The following RBM5 variants were observed in gnomAD, a reference collection of about 807,000 sequenced individuals.
RBM5 encodes RNA binding motif protein 5, also known as RNA-binding protein 5.
In RBM5, 15 loss-of-function variants were observed where a neutral mutation model predicts 124.6. The ratio of observed to expected loss-of-function variants is 0.12; its 90% CI spans 0.08 to 0.19. The LOEUF is 0.19. RBM5 is among the 10% of genes least tolerant of loss of function. RBM5 has a pLI of 1.00. For missense variants in RBM5, 580 were observed against 1,026.5 expected (o/e 0.57, Z 5.94); for synonymous variants, 337 against 361.2 (o/e 0.93, Z 0.76).
chr3:50,107,182 C>T (rs374441088), intron 11 of RBM5: 3 of 631,952 alleles, frequency 4.7e-6, no homozygotes, highest in African/African-American at 1.8e-5. Context: ...TCCAGAACAG[C>T]GTGCTAATAA....
chr3:50,097,344 C>T (rs1301571359), intron 4 of RBM5, among the ~76,000 whole-genome samples: 2 of 150,218 alleles, frequency 1.3e-5, no homozygotes, highest in East Asian at 1.9e-4. Flanking sequence ...TGCAGTGAGC[C>T]GAGATCGTGC....
chr3:50,092,262 T>C, intron 3 of RBM5, 54 bp downstream of exon 3: 5 of 1,566,506 alleles, frequency 3.2e-6, no homozygotes, highest in Non-Finnish European at 4.3e-6. Flanking sequence ...CTTATAGTAA[T>C]AGAAATAACA....
chr3:50,112,414 TAAAAAAAAAAAA>T (rs58011975), intron 17 of RBM5, among the ~76,000 whole-genome samples: 1,978 of 88,266 alleles, frequency 0.022, 42 homozygotes, highest in Non-Finnish European at 0.033. Flanking sequence ...AGACTCTGTC[TAAAAAAAAAAAA>T]AAAAAAAAAA....
At position 50,113,820 on chromosome 3, in the gene RBM5, T is replaced by C. The variant is rs543128362; in HGVS notation, c.1618-130T>C. ...TATGTGATAACATCTAATGGAAATA[T>C]TTGTAGGTGGAAGTAAGAGTAAAAG... On this transcript the variant is annotated intron_variant, in intron 18 of 24. Coordinates refer to ENST00000347869, the MANE Select transcript of RBM5 (RefSeq NM_005778.4). 259 of 1,103,744 alleles carry C rather than the reference T, an allele frequency of 2.3e-4. 2 individuals carry two copies. Among genetic ancestry groups the C allele is most frequent in the South Asian group, 6.3e-5 (4 of 63,022 alleles). The allele number at this position is 1,103,744 out of a possible 1,614,324, so 68.4% of individuals were successfully genotyped here.
intron 12 of RBM5, 38 bp from the exon 13 acceptor site, chr3:50,108,029 GCCT>G (rs1185780221): frequency 1.3e-6 from 2 of 1,524,696 alleles, no homozygotes; most frequent in South Asian, 2.2e-5. Flanking sequence ...TTTCCTTAAT[GCCT>G]ACTAAGTTTG....
At position 50,113,352 on chromosome 3, in the gene RBM5, CATTA is replaced by C. The variant is rs149125268; in HGVS notation, c.1456-27_1456-24del. 8.1e-5 allele frequency: 129 copies of C among 1,587,720 alleles called. No homozygotes were observed. The East Asian group carries it at 2.3e-3, about 28-fold the overall frequency. On this transcript the variant is annotated intron_variant, in intron 17 of 24. Transcript: ENST00000347869. ...ATCGACTGACATAGCAGAAAGTCTG[CATTA>C]ATTGTTTTTTGTTTGTTGTTTTCTA...
chr3:50,109,843 T>C, intron 15 of RBM5, 155 bp downstream of exon 15: 2 of 570,920 alleles, frequency 3.5e-6, no homozygotes, highest in Non-Finnish European at 6.1e-6. Context: ...AATTTTATGA[T>C]ATATATGTGC....
chr3:50,117,039 T>C lies in RBM5; in HGVS notation c.2095-35T>C, dbSNP rs767951150. ...TTAGACGGTTACAGGTTGAAGTCTG[T>C]GAACATTTCCAGCAGTGTTTTTTCT... On this transcript the variant is annotated intron_variant, in intron 22 of 24. Coordinates refer to ENST00000347869, the MANE Select transcript of RBM5 (RefSeq NM_005778.4). This position sits in a 1 kb window ranked among gnomAD's most constrained non-coding sequence, Gnocchi z 4.2. 1 of 1,581,918 alleles carries C rather than the reference T, an allele frequency of 6.3e-7. No homozygotes were observed. The highest frequency in any genetic ancestry group is 8.7e-7 in the Non-Finnish European group (1 of 1,150,900).
chr3:50,093,667 GT>G, intron 3 of RBM5, 52 bp from the exon 4 acceptor site: 3 of 1,557,706 alleles, frequency 1.9e-6, no homozygotes, highest in African/African-American at 1.3e-5. Flanking sequence ...TGGAGGGTCT[GT>G]TTCAAAGAGT....
In RBM5 at chr3:50,117,699, A is replaced by G. The variant is rs546785769; in HGVS notation, c.2322+320A>G. 1 of 225,660 alleles carries G rather than the reference A, an allele frequency of 4.4e-6. No individual in the cohort carries two copies. Among genetic ancestry groups the G allele is most frequent in the African/African-American group, 2.2e-5 (1 of 44,584 alleles). The allele number at this position is 225,660 out of a possible 1,614,324, so 14.0% of individuals were successfully genotyped here. On this transcript the variant is annotated intron_variant, in intron 24 of 24. Coordinates refer to ENST00000347869, the MANE Select transcript of RBM5 (RefSeq NM_005778.4). The surrounding 1 kb of genome is among the most constrained non-coding windows in gnomAD (Gnocchi z 4.2). Reference sequence around the variant, plus strand: ...AGGAAGCTGAGGCAGGAGAATTGCTAGAACCTGGCAGGAGGAGGTTGCAGT... The same window carrying G: ...AGGAAGCTGAGGCAGGAGAATTGCTGGAACCTGGCAGGAGGAGGTTGCAGT...
intron 4 of RBM5, among the ~76,000 whole-genome samples, chr3:50,099,262 A>C (rs575452971): frequency 6.6e-6 from 1 of 151,962 alleles, no homozygotes; most frequent in Non-Finnish European, 1.5e-5. Context: ...TCTCAAAAAA[A>C]AAAAAGGAAA....
At chr3:50,103,360 C>T (rs1244023716) in intron 7 of RBM5, among the ~76,000 whole-genome samples, 194 bp downstream of exon 7, 2 of 152,140 alleles carry the variant, frequency 1.3e-5, no homozygotes, top group African/African-American at 4.8e-5. Flanking sequence ...TTAAGATGCA[C>T]GTTCTGCTGG....
At chr3:50,111,835 AAAC>A (rs1277598225) in intron 17 of RBM5, among the ~76,000 whole-genome samples, 1 of 152,144 alleles carries the variant, frequency 6.6e-6, no homozygotes, top group Non-Finnish European at 1.5e-5. Context: ...TAAAAGGGAA[AAAC>A]AACTTTAACA....
rs149753407 is a variant in RBM5, at chr3:50,099,146, T to G, written c.340-836T>G. Among the ~76,000 whole-genome samples, 492 of 152,010 alleles carry G rather than the reference T, an allele frequency of 3.2e-3. 2 individuals carry two copies. Among genetic ancestry groups the G allele is most frequent in the African/African-American group, 0.011 (467 of 41,450 alleles). ...GGTGTGCATTTGTAGTCCCAGCTAC[T>G]TAGGAGGCTGAGGTGGGAGGATCAC... On this transcript the variant is annotated intron_variant, in intron 4 of 24. Transcript: ENST00000347869.
chr3:50,102,285 G>A (rs1245153960), intron 6 of RBM5: 3 of 151,970 alleles, frequency 2.0e-5, no homozygotes, highest in Non-Finnish European at 2.9e-5. Context: ...ACTTTTTAAA[G>A]CTAAGTCCTT....
Position 50,094,892 on chromosome 3 carries a change from G to A in RBM5, c.339+1017G>A, listed in dbSNP as rs149113544. ...TTTAGGGAAAAGTTCACTGAACTAGGTTCAGAAGTAAGTTACCATTTTGGC... is the reference window on the plus strand; with the variant it reads ...TTTAGGGAAAAGTTCACTGAACTAGATTCAGAAGTAAGTTACCATTTTGGC... On this transcript the variant is annotated intron_variant, in intron 4 of 24. Coordinates refer to ENST00000347869, the MANE Select transcript of RBM5 (RefSeq NM_005778.4). Among the ~76,000 whole-genome samples, 56 of 152,224 alleles carry A rather than the reference G, an allele frequency of 3.7e-4. No homozygotes were observed. The East Asian group carries it at 0.011, about 29-fold the overall frequency.
Position 50,105,629 on chromosome 3 carries a change from G to A in RBM5, c.775G>A (p.Val259Ile), listed in dbSNP as rs750692702. 5.0e-6 allele frequency: 8 copies of A among 1,614,078 alleles called. No individual in the cohort carries two copies. Among genetic ancestry groups the A allele is most frequent in the Non-Finnish European group, 6.8e-6 (8 of 1,180,028 alleles). The change falls in exon 10 of 25, where the codon GTC becomes ATC. Residue 259 changes from valine (V) to isoleucine (I), a missense_variant. Coordinates refer to ENST00000347869, the MANE Select transcript of RBM5 (RefSeq NM_005778.4). ...TALSPYASLA[V>I]NNIRLIKDKQ... ...ACTGTCTCCTTACGCGTCTTTAGCT[G>A]TCAATAACATCCGCCTCATAAAAGA...
At chr3:50,112,130 C>T (rs2091155959) in intron 17 of RBM5, 1 of 139,094 alleles carries the variant, frequency 7.2e-6, no homozygotes. Flanking sequence ...GTAGGCTGGG[C>T]GCAGTGGCTC....
At position 50,118,811 on chromosome 3, in the gene RBM5, C is replaced by T. The variant is rs2091305339; in HGVS notation, c.*355C>T. 4.8e-6 allele frequency: 1 copy of T among 206,402 alleles called. No homozygotes were observed. Among genetic ancestry groups the T allele is most frequent in the South Asian group, 1.5e-4 (1 of 6,614 alleles). 12.8% of individuals were successfully genotyped at this position (206,402 alleles called of 1,614,324 possible). ...TTGAGATGCTGTAGGTGGTATGTGA[C>T]ACCAAAGCCACCTCTGTCATTTGTT... is the stretch of plus-strand genomic sequence containing the variant. On this transcript the variant is annotated 3_prime_UTR_variant, in exon 25 of 25. Transcript: ENST00000347869.
Sources: gnomAD v4.1 joint callset for allele counts (sites outside exome capture counted in the v4.1 genomes callset) on GRCh38, gnomAD v4.1.1 for gene constraint, Gnocchi (gnomAD v3.1) non-coding constraint, MANE v1.5 for transcripts, NCBI Gene and HGNC (gene_info 2026-07-23, HGNC 2026-07-21) for gene names.